The following SCFD2 variants were observed in gnomAD, a reference collection of about 807,000 sequenced individuals.
SCFD2 encodes the protein sec1 family domain-containing protein 2.
In SCFD2, 54 loss-of-function variants were observed where a neutral mutation model predicts 58.9. That is an observed-to-expected ratio of 0.92 (90% CI 0.74 to 1.15). The LOEUF (loss-of-function observed/expected upper bound fraction) is 1.15. Among genes scored for constraint, SCFD2 ranks in the 50% most tolerant of loss-of-function variants. The probability of loss-of-function intolerance (pLI) is 0.00; values close to 1 mark genes in which losing one functional copy is unlikely to be tolerated. For missense variants in SCFD2, 805 were observed against 836.6 expected, an observed-to-expected ratio of 0.96 and a Z score of 0.47; for synonymous variants, 321 against 335.9, an observed-to-expected ratio of 0.96 and a Z score of 0.49.
intron 8 of SCFD2, among the ~76,000 whole-genome samples, chr4:52,875,590 T>C (rs1204771496): frequency 1.3e-5 from 2 of 151,514 alleles, no homozygotes; most frequent in African/African-American, 2.4e-5. Flanking sequence ...ATTAAATTAG[T>C]GAATTAACCA....
chr4:53,207,578 ATAT>A (rs1728467763), intron 4 of SCFD2, among the ~76,000 whole-genome samples: 1 of 456 alleles, frequency 2.2e-3, no homozygotes, highest in African/African-American at 5.6e-3. Context: ...TAATATTTAT[ATAT>A]ATATAATATA....
At chr4:53,354,492 T>C (rs1246034292) in intron 1 of SCFD2, among the ~76,000 whole-genome samples, 2 of 152,190 alleles carry the variant, frequency 1.3e-5, no homozygotes, top group Non-Finnish European at 2.9e-5. Flanking sequence ...GTGAGCTGGC[T>C]CCGGCCTCAA....
rs148639178 is a variant in SCFD2 at position 53,249,636 on chromosome 4, G to A, written c.1311+24190C>T. 8.5e-3 allele frequency among the ~76,000 whole-genome samples: 1,299 copies of A among 152,318 alleles called. 23 individuals are homozygous for A. Among genetic ancestry groups the A allele is most frequent in the African/African-American group, 0.03 (1,228 of 41,556 alleles). ...CAAAAACTCTACAAGCCAGAAGAGA[G>A]TGGGGGCCAATAATCAACATTCTTA... On this transcript the variant is annotated intron_variant, in intron 4 of 8. Transcript: ENST00000401642.
chr4:53,016,865 T>G (rs1722225557), intron 5 of SCFD2, among the ~76,000 whole-genome samples: 2 of 152,110 alleles, frequency 1.3e-5, no homozygotes, highest in South Asian at 4.1e-4. Context: ...TCCCAGCACT[T>G]TGGGAGGCCA....
intron 8 of SCFD2, among the ~76,000 whole-genome samples, chr4:52,883,236 G>A (rs965167816): frequency 6.6e-5 from 10 of 152,234 alleles, no homozygotes; most frequent in African/African-American, 2.4e-4. Context: ...GTTTGCTGTA[G>A]GGCCAGGGCA....
At chr4:53,166,139 A>G (rs966762350) in intron 4 of SCFD2, among the ~76,000 whole-genome samples, 1 of 152,196 alleles carries the variant, frequency 6.6e-6, no homozygotes, top group Admixed American at 6.5e-5. Context: ...ATTCCACTGT[A>G]TGTATATACT....
At chr4:53,182,480 T>C (rs537772611) in intron 4 of SCFD2, among the ~76,000 whole-genome samples, 52 of 152,300 alleles carry the variant, frequency 3.4e-4, no homozygotes, top group African/African-American at 1.2e-3. Context: ...ATCCCTTCCT[T>C]ACACCTTACA....
intron 5 of SCFD2, among the ~76,000 whole-genome samples, chr4:53,027,316 A>G (rs1448502098): frequency 1.3e-5 from 2 of 151,982 alleles, no homozygotes; most frequent in Non-Finnish European, 2.9e-5. Context: ...CCAGCTCTGA[A>G]GTGTCCTGCG....
At chr4:52,894,213 C>A (rs915877605) in intron 7 of SCFD2, among the ~76,000 whole-genome samples, 2 of 152,062 alleles carry the variant, frequency 1.3e-5, no homozygotes, top group Admixed American at 6.6e-5. Flanking sequence ...AGCATGGCCA[C>A]ATAAGAAATG....
intron 4 of SCFD2, among the ~76,000 whole-genome samples, chr4:53,255,958 C>T (rs1315246571): frequency 6.1e-5 from 9 of 147,566 alleles, no homozygotes; most frequent in South Asian, 2.2e-4. Flanking sequence ...GGTGGCTGGC[C>T]GGGTGGGGGG....
Position 52,923,046 on chromosome 4 carries a change from C to T in SCFD2, c.1562-2176G>A, listed in dbSNP as rs183141172. ...AAGAATCCAGCTGCATCAGACACAGCGAGGTGGCATGTGAGAAGCTCAGCT... is the reference window on the plus strand; with the variant it reads ...AAGAATCCAGCTGCATCAGACACAGTGAGGTGGCATGTGAGAAGCTCAGCT... On this transcript the variant is annotated intron_variant, in intron 5 of 8. Coordinates refer to ENST00000401642, the MANE Select transcript of SCFD2 (RefSeq NM_152540.4). Among the ~76,000 whole-genome samples the T allele has an allele frequency of 5.7e-3, 873 of 152,266 alleles. 14 individuals carry two copies. The highest frequency in any genetic ancestry group is 0.02 in the African/African-American group (827 of 41,542).
intron 5 of SCFD2, among the ~76,000 whole-genome samples, chr4:52,990,771 A>G (rs1319197334): frequency 6.6e-6 from 1 of 152,164 alleles, no homozygotes; most frequent in African/African-American, 2.4e-5. Context: ...AAAAAAAAAT[A>G]AGGGTAAAAG....
At chr4:53,199,959 T>C (rs1189807469) in intron 4 of SCFD2, among the ~76,000 whole-genome samples, 7 of 148,714 alleles carry the variant, frequency 4.7e-5, no homozygotes, top group Non-Finnish European at 7.4e-5. Flanking sequence ...AGAGTGAGAG[T>C]GAGAGCAAGA....
intron 3 of SCFD2, among the ~76,000 whole-genome samples, chr4:53,293,310 G>C (rs1392810125): frequency 6.6e-6 from 1 of 151,896 alleles, no homozygotes; most frequent in Admixed American, 6.6e-5. Flanking sequence ...TTGTGGGAGG[G>C]GAAGCAGGGG....
At chr4:53,087,640 T>C (rs530069344) in intron 5 of SCFD2, among the ~76,000 whole-genome samples, 1 of 150,524 alleles carries the variant, frequency 6.6e-6, no homozygotes, top group South Asian at 2.1e-4. Flanking sequence ...GCCAAAGCTA[T>C]TTCTTTTTTC....
intron 4 of SCFD2, among the ~76,000 whole-genome samples, chr4:53,214,576 C>T (rs1477192182): frequency 6.6e-6 from 1 of 152,078 alleles, no homozygotes; most frequent in African/African-American, 2.4e-5. Context: ...GAGTAGGTTG[C>T]AAAAATTTTC....
intron 5 of SCFD2, among the ~76,000 whole-genome samples, chr4:53,090,378 GA>G (rs1390781248): frequency 6.6e-6 from 1 of 152,170 alleles, no homozygotes; most frequent in Non-Finnish European, 1.5e-5. Context: ...AATGGAAAAG[GA>G]AAGGTAACCA....
intron 4 of SCFD2, among the ~76,000 whole-genome samples, chr4:53,248,452 G>C (rs1236734300): frequency 6.6e-6 from 1 of 152,214 alleles, no homozygotes; most frequent in Non-Finnish European, 1.5e-5. Context: ...GCCTCTGTAG[G>C]CTCCACCTCT....
intron 5 of SCFD2, among the ~76,000 whole-genome samples, chr4:52,925,255 A>G (rs369819238): frequency 1.3e-4 from 18 of 137,872 alleles, no homozygotes; most frequent in African/African-American, 2.7e-4. Context: ...CTAAGGCCAC[A>G]TGTGTATATA....
Sources: gnomAD v4.1 joint callset for allele counts (sites outside exome capture counted in the v4.1 genomes callset) on GRCh38, gnomAD v4.1.1 for gene constraint, MANE v1.5 for transcripts, NCBI Gene and HGNC (gene_info 2026-07-23, HGNC 2026-07-21) for gene names.